SDK1: variants seen among roughly 807,000 people sequenced by gnomAD.
The protein encoded by SDK1 is protein sidekick-1.
SDK1 carries 157 observed loss-of-function variants against 245.5 expected under a neutral mutation model. The observed-to-expected ratio is 0.64, with a 90% CI of 0.56 to 0.73. The LOEUF (loss-of-function observed/expected upper bound fraction) is 0.73, where lower values mean the gene tolerates loss of function less well. Among genes scored for constraint, SDK1 ranks in the 30% least tolerant of loss-of-function variants. The pLI is 0.00. For synonymous variants in SDK1, 1,647 were observed against 1,278.5 expected, an observed-to-expected ratio of 1.29 and a Z score of -6.15; for missense variants, 3,583 against 3,002.3, an observed-to-expected ratio of 1.19 and a Z score of -4.52.
intron 19 of SDK1, among the ~76,000 whole-genome samples, chr7:4,063,118 G>A (rs556391678): frequency 3.9e-4 from 60 of 152,232 alleles, no homozygotes; most frequent in African/African-American, 1.4e-3. Flanking sequence ...TCAGGCAAAA[G>A]AAAGGAATAA....
chr7:4,082,963 G>C (rs1781157987), intron 22 of SDK1, among the ~76,000 whole-genome samples: 2 of 152,040 alleles, frequency 1.3e-5, no homozygotes, highest in South Asian at 4.1e-4. Context: ...TTCACACTCA[G>C]ATTCCCCCAA....
intron 19 of SDK1, among the ~76,000 whole-genome samples, chr7:4,055,556 T>A (rs2342499): frequency 1.2e-5 from 1 of 81,720 alleles, no homozygotes; most frequent in Non-Finnish European, 2.1e-5. Flanking sequence ...TGTTGTTGTT[T>A]TTGTTTTTTG....
In SDK1 at chr7:3,951,814, C is replaced by T; in HGVS notation, c.1044C>T (p.Thr348=). Reference sequence around the variant, plus strand: ...TCCACAGCTTTGGAAGACGCCTCACCATCAGCAACCCGACGTCCGCGGACA... The same window carrying T: ...TCCACAGCTTTGGAAGACGCCTCACTATCAGCAACCCGACGTCCGCGGACA... ...SGLHSFGRRL[T]ISNPTSADTG... Residue 348 remains threonine, a synonymous_variant, in exon 7 of 45, where the codon ACC becomes ACT. Transcript: ENST00000404826. 6.2e-7 allele frequency: 1 copy of T among 1,613,918 alleles called. No homozygotes were observed. The highest frequency in any genetic ancestry group is 8.5e-7 in the Non-Finnish European group (1 of 1,180,026).
intron 2 of SDK1, among the ~76,000 whole-genome samples, chr7:3,628,103 A>T (rs1782175785): frequency 6.6e-6 from 1 of 152,078 alleles, no homozygotes; most frequent in Non-Finnish European, 1.5e-5. Flanking sequence ...GTAAGGCCAT[A>T]GTGTGACATC....
intron 1 of SDK1, among the ~76,000 whole-genome samples, chr7:3,544,360 C>A (rs572932782): frequency 6.6e-6 from 1 of 152,168 alleles, no homozygotes; most frequent in Non-Finnish European, 1.5e-5. Flanking sequence ...GATCAAGCAG[C>A]CACAGACCTC....
chr7:4,010,879 G>A, intron 14 of SDK1, 87 bp from the exon 15 acceptor site: 1 of 1,374,028 alleles, frequency 7.3e-7, no homozygotes, highest in East Asian at 2.3e-5. Flanking sequence ...CAAATGAGAT[G>A]TTCCCTGAGA....
intron 4 of SDK1, among the ~76,000 whole-genome samples, chr7:3,701,474 C>A (rs1174214499): frequency 6.6e-6 from 1 of 152,102 alleles, no homozygotes; most frequent in Non-Finnish European, 1.5e-5. Context: ...GTAGCACGTG[C>A]CTGTAGTCCC....
chr7:4,051,421 T>C (rs1651394916), intron 18 of SDK1, among the ~76,000 whole-genome samples: 1 of 151,476 alleles, frequency 6.6e-6, no homozygotes, highest in Non-Finnish European at 1.5e-5. Flanking sequence ...CATATACAAG[T>C]ATAAAATACA....
intron 1 of SDK1, among the ~76,000 whole-genome samples, chr7:3,509,784 T>C (rs567918656): frequency 6.6e-6 from 1 of 152,180 alleles, no homozygotes; most frequent in Non-Finnish European, 1.5e-5. Context: ...AAAAGCAGCA[T>C]GACAGAGAGA....
chr7:3,429,693 C>A (rs971147017), intron 1 of SDK1, among the ~76,000 whole-genome samples: 1 of 151,008 alleles, frequency 6.6e-6, no homozygotes, highest in Non-Finnish European at 1.5e-5. Context: ...GCCTCCTGGG[C>A]TCAAGCAATC....
chr7:3,493,006 A>G (rs1781909870), intron 1 of SDK1, among the ~76,000 whole-genome samples: 1 of 152,114 alleles, frequency 6.6e-6, no homozygotes, highest in African/African-American at 2.4e-5. Flanking sequence ...GCTGGAGTGC[A>G]GTGGCGTGAT....
intron 4 of SDK1, among the ~76,000 whole-genome samples, chr7:3,808,903 T>C (rs75623276): frequency 0.011 from 1,673 of 152,292 alleles, 20 homozygotes; most frequent in African/African-American, 0.038. Context: ...TTCATCTTCA[T>C]TGTTGATGGT....
intron 1 of SDK1, among the ~76,000 whole-genome samples, chr7:3,413,510 C>T (rs149906702): frequency 2.6e-4 from 39 of 151,996 alleles, no homozygotes; most frequent in African/African-American, 8.9e-4. Context: ...GCCTGGCCAA[C>T]ATAGTGAAAC....
At chr7:3,736,340 C>A (rs547618944) in intron 4 of SDK1, among the ~76,000 whole-genome samples, 1 of 152,308 alleles carries the variant, frequency 6.6e-6, no homozygotes, top group East Asian at 1.9e-4. Context: ...GTCGCCCAGG[C>A]TGGAGTGCAG....
At chr7:3,474,250 C>T (rs994060637) in intron 1 of SDK1, among the ~76,000 whole-genome samples, 5 of 151,454 alleles carry the variant, frequency 3.3e-5, no homozygotes, top group African/African-American at 1.2e-4. Flanking sequence ...CGTGCGCCAC[C>T]ACGACCAGCT....
intron 1 of SDK1, among the ~76,000 whole-genome samples, chr7:3,538,479 G>A (rs1052147621): frequency 1.1e-4 from 16 of 151,996 alleles, no homozygotes; most frequent in African/African-American, 3.6e-4. Context: ...CTTATTTACC[G>A]TGAATCAATG....
At chr7:3,740,151 C>T (rs1779436447) in intron 4 of SDK1, among the ~76,000 whole-genome samples, 1 of 152,110 alleles carries the variant, frequency 6.6e-6, no homozygotes, top group South Asian at 2.1e-4. Context: ...TTACAACCCT[C>T]CACTTGCTTG....
rs368304164 is a variant in SDK1, at chr7:4,181,330, G to A, written c.5098+2744G>A. Among the ~76,000 whole-genome samples, 18 of 152,334 alleles carry A rather than the reference G, an allele frequency of 1.2e-4. 1 individual carries two copies. Among genetic ancestry groups the A allele is most frequent in the African/African-American group, 4.3e-4 (18 of 41,576 alleles). ...ATTGCATGCATTTACCGCATCTGGTGTGTCTGCTCCTCCAGGGATGGACAC... is the reference window on the plus strand; with the variant it reads ...ATTGCATGCATTTACCGCATCTGGTATGTCTGCTCCTCCAGGGATGGACAC... On this transcript the variant is annotated intron_variant, in intron 35 of 44. Transcript: ENST00000404826.
intron 32 of SDK1, 110 bp from the exon 33 acceptor site, chr7:4,174,112 G>A (rs1421891931): frequency 3.7e-5 from 45 of 1,231,944 alleles, no homozygotes; most frequent in African/African-American, 2.1e-4. Flanking sequence ...TGGAACCCAC[G>A]ACTTTCTTCT....
Sources: gnomAD v4.1 joint callset for allele counts (sites outside exome capture counted in the v4.1 genomes callset) on GRCh38, gnomAD v4.1.1 for gene constraint, MANE v1.5 for transcripts, NCBI Gene and HGNC (gene_info 2026-07-23, HGNC 2026-07-21) for gene names.